Variants in ROBO1 observed in about 807,000 individuals in gnomAD.
ROBO1 encodes roundabout homolog 1.
In ROBO1, 149 loss-of-function variants were observed where a neutral mutation model predicts 195.9. That is an observed-to-expected ratio of 0.76 (90% CI 0.67 to 0.87). The LOEUF is 0.87. ROBO1 is among the 40% of genes least tolerant of loss of function. The pLI is 0.00. For synonymous variants in ROBO1, 816 were observed against 733.2 expected, an observed-to-expected ratio of 1.11 and a Z score of -1.82; for missense variants, 1,933 against 2,068.3, an observed-to-expected ratio of 0.93 and a Z score of 1.27.
chr3:79,052,579 G>C (rs1306615360), intron 3 of ROBO1, among the ~76,000 whole-genome samples: 2 of 152,074 alleles, frequency 1.3e-5, no homozygotes, highest in Non-Finnish European at 2.9e-5. Flanking sequence ...TGGTTTTGCA[G>C]CTCAGGGGGA....
At chr3:79,407,844 A>G (rs1042895633) in intron 2 of ROBO1, among the ~76,000 whole-genome samples, 2 of 152,176 alleles carry the variant, frequency 1.3e-5, no homozygotes, top group African/African-American at 2.4e-5. Context: ...ATAAAATAAC[A>G]TAATTCGATG....
intron 20 of ROBO1, 102 bp downstream of exon 20, chr3:78,647,527 T>C: frequency 2.7e-6 from 3 of 1,118,894 alleles, no homozygotes; most frequent in Non-Finnish European, 4.1e-6. Flanking sequence ...TTAAGTTCTT[T>C]CCCCCAACTT....
intron 4 of ROBO1, among the ~76,000 whole-genome samples, chr3:78,851,026 C>T (rs966130627): frequency 1.3e-5 from 2 of 151,996 alleles, no homozygotes; most frequent in African/African-American, 2.4e-5. Context: ...AGGCTGGTCT[C>T]GAACTCCTGA....
chr3:79,434,628 A>G (rs371493835), intron 2 of ROBO1, among the ~76,000 whole-genome samples: 3 of 152,092 alleles, frequency 2.0e-5, no homozygotes, highest in East Asian at 1.9e-4. Flanking sequence ...CTGTAAACTA[A>G]TTCAACCATT....
intron 2 of ROBO1, among the ~76,000 whole-genome samples, chr3:79,245,864 G>T (rs1412038254): frequency 1.3e-5 from 2 of 152,050 alleles, no homozygotes; most frequent in Non-Finnish European, 2.9e-5. Flanking sequence ...TAAGTAATAT[G>T]TTCCCTATGG....
At chr3:78,607,064 C>G (rs777373411) in intron 28 of ROBO1, 23 bp from the exon 29 acceptor site, 2 of 1,593,204 alleles carry the variant, frequency 1.3e-6, no homozygotes, top group South Asian at 1.1e-5. Flanking sequence ...ATTAAAAATA[C>G]TACTGTAAAA....
At chr3:78,788,934 G>A (rs1430449582) in intron 4 of ROBO1, among the ~76,000 whole-genome samples, 3 of 152,146 alleles carry the variant, frequency 2.0e-5, no homozygotes, top group African/African-American at 7.2e-5. Flanking sequence ...ACCATAACTA[G>A]TTGGAGTCAG....
At chr3:79,741,315 T>C (rs1392544943) in intron 1 of ROBO1, among the ~76,000 whole-genome samples, 2 of 152,214 alleles carry the variant, frequency 1.3e-5, no homozygotes, top group Non-Finnish European at 2.9e-5. Context: ...GGTATTGTAA[T>C]AGAGATGTGT....
At chr3:79,426,951 T>TA (rs1302075987) in intron 2 of ROBO1, among the ~76,000 whole-genome samples, 1 of 152,070 alleles carries the variant, frequency 6.6e-6, no homozygotes, top group Non-Finnish European at 1.5e-5. Context: ...AATCCACAAA[T>TA]AAAAACAAAA....
At chr3:79,585,651 A>T (rs566112079) in intron 2 of ROBO1, among the ~76,000 whole-genome samples, 1 of 151,992 alleles carries the variant, frequency 6.6e-6, no homozygotes, top group African/African-American at 2.4e-5. Context: ...AAGTGTACTC[A>T]ACATTAAAAT....
chr3:79,322,460 C>A (rs1205142010), intron 2 of ROBO1, among the ~76,000 whole-genome samples: 1 of 152,080 alleles, frequency 6.6e-6, no homozygotes, highest in Non-Finnish European at 1.5e-5. Flanking sequence ...TGAAAAGAGT[C>A]TTGGAGATTG....
chr3:79,047,042 G>A (rs2078608251), intron 3 of ROBO1, among the ~76,000 whole-genome samples: 1 of 152,158 alleles, frequency 6.6e-6, no homozygotes, highest in African/African-American at 2.4e-5. Context: ...TAGGCAGCAT[G>A]TGGAGGCTGG....
At chr3:79,088,712 A>G (rs1269942147) in intron 3 of ROBO1, among the ~76,000 whole-genome samples, 3 of 152,130 alleles carry the variant, frequency 2.0e-5, no homozygotes, top group Non-Finnish European at 4.4e-5. Flanking sequence ...TTCTTTGTGA[A>G]GAAGAATTAT....
At chr3:79,364,716 A>G (rs180920852) in intron 2 of ROBO1, among the ~76,000 whole-genome samples, 1 of 152,338 alleles carries the variant, frequency 6.6e-6, no homozygotes, top group Non-Finnish European at 1.5e-5. Context: ...TTTATAATAA[A>G]GTACTTTTAT....
chr3:78,904,508 T>C (rs2107495971), intron 4 of ROBO1, among the ~76,000 whole-genome samples: 1 of 152,132 alleles, frequency 6.6e-6, no homozygotes, highest in Non-Finnish European at 1.5e-5. Flanking sequence ...CGTCAATATG[T>C]CATTCTCTAC....
At chr3:79,452,848 T>C (rs1444832536) in intron 2 of ROBO1, among the ~76,000 whole-genome samples, 1 of 152,024 alleles carries the variant, frequency 6.6e-6, no homozygotes, top group Non-Finnish European at 1.5e-5. Flanking sequence ...GGAGAGATTT[T>C]AGCTGTGGGG....
chr3:78,672,514 C>T (rs1423799037), intron 10 of ROBO1, among the ~76,000 whole-genome samples: 2 of 151,158 alleles, frequency 1.3e-5, no homozygotes, highest in East Asian at 1.9e-4. Flanking sequence ...ATCACATGAG[C>T]CCAGGAGGTT....
intron 2 of ROBO1, among the ~76,000 whole-genome samples, chr3:79,561,851 C>T (rs1576028172): frequency 6.6e-6 from 1 of 152,138 alleles, no homozygotes; most frequent in East Asian, 1.9e-4. Context: ...CAGAAAAATT[C>T]TACATGTCTA....
intron 1 of ROBO1, among the ~76,000 whole-genome samples, chr3:79,648,493 G>C (rs564781765): frequency 3.9e-5 from 6 of 152,030 alleles, no homozygotes; most frequent in African/African-American, 1.4e-4. Context: ...AAATAGAACA[G>C]GAGGATTCAA....
Sources: gnomAD v4.1 joint callset for allele counts (sites outside exome capture counted in the v4.1 genomes callset) on GRCh38, gnomAD v4.1.1 for gene constraint, MANE v1.5 for transcripts, NCBI Gene and HGNC (gene_info 2026-07-23, HGNC 2026-07-21) for gene names.